Variants in GFRA2 observed in about 807,000 individuals in gnomAD.
GFRA2 encodes GDNF family receptor alpha-2.
In GFRA2, 17 loss-of-function variants were observed where a neutral mutation model predicts 48.3. The ratio of observed to expected loss-of-function variants is 0.35; its 90% CI spans 0.24 to 0.53. The LOEUF (loss-of-function observed/expected upper bound fraction) is 0.53. Among genes scored for constraint, GFRA2 ranks in the 20% least tolerant of loss-of-function variants. The probability of loss-of-function intolerance (pLI) is 0.93; values close to 1 mark genes in which losing one functional copy is unlikely to be tolerated. For missense variants in GFRA2, 660 were observed against 637.3 expected, an observed-to-expected ratio of 1.04 and a Z score of -0.38; for synonymous variants, 305 against 257.2, an observed-to-expected ratio of 1.19 and a Z score of -1.78.
chr8:21,788,641 A>T lies in GFRA2; in HGVS notation c.-482T>A, dbSNP rs1245135302. On this transcript the variant is annotated 5_prime_UTR_variant, in exon 1 of 9. Coordinates refer to ENST00000524240, the MANE Select transcript of GFRA2 (RefSeq NM_001495.5). Reference sequence around the variant, plus strand: ...GAAAAGAAATCCACAGACGGGTGTCAGCGCCCAAGAACAATCCAGTCGGAG... The same window carrying T: ...GAAAAGAAATCCACAGACGGGTGTCTGCGCCCAAGAACAATCCAGTCGGAG... 1 of 986,768 alleles carries T rather than the reference A, an allele frequency of 1.0e-6. No homozygotes were observed. The highest frequency in any genetic ancestry group is 1.7e-5 in the African/African-American group (1 of 57,328). 61.1% of individuals were successfully genotyped at this position (986,768 alleles called of 1,614,324 possible).
upstream of GFRA2, among the ~76,000 whole-genome samples, chr8:21,789,451 C>CG (rs1190070395): frequency 1.4e-4 from 22 of 152,128 alleles, no homozygotes; most frequent in Admixed American, 1.4e-3. Flanking sequence ...TCCGGGGGCT[C>CG]GGGGGGCAGG....
intron 4 of GFRA2, among the ~76,000 whole-genome samples, chr8:21,733,163 A>G (rs746028281): frequency 1.3e-5 from 2 of 152,192 alleles, no homozygotes; most frequent in Non-Finnish European, 2.9e-5. Context: ...AGGGGACTGT[A>G]TATCAGGAGA....
At chr8:21,733,315 A>T (rs1340167007) in intron 4 of GFRA2, among the ~76,000 whole-genome samples, 2 of 152,080 alleles carry the variant, frequency 1.3e-5, no homozygotes, top group African/African-American at 4.8e-5. Flanking sequence ...ATGAGCAGAC[A>T]CCTACCCCAC....
At chr8:21,809,020 A>T (rs552116195) in intron 1 of GFRA2, among the ~76,000 whole-genome samples, 8 of 152,342 alleles carry the variant, frequency 5.3e-5, no homozygotes, top group African/African-American at 1.7e-4. Context: ...TTAAAAATAC[A>T]CTATCTCATT....
At chr8:21,741,524 T>C (rs573940432) in intron 4 of GFRA2, among the ~76,000 whole-genome samples, 1 of 152,270 alleles carries the variant, frequency 6.6e-6, no homozygotes, top group East Asian at 1.9e-4. Flanking sequence ...TCCATCAGAC[T>C]GTCAGCTCCA....
chr8:21,773,345 C>T (rs1368769269), intron 3 of GFRA2, among the ~76,000 whole-genome samples: 3 of 152,138 alleles, frequency 2.0e-5, no homozygotes, highest in Non-Finnish European at 2.9e-5. Context: ...TTGAGGTCTC[C>T]GCTCCATTCA....
chr8:21,704,349 C>T (rs1000873482), intron 6 of GFRA2, among the ~76,000 whole-genome samples: 8 of 152,342 alleles, frequency 5.3e-5, no homozygotes, highest in Admixed American at 5.2e-4. Flanking sequence ...AGCTCACTTG[C>T]ACTGTGATCA....
At chr8:21,755,133 T>C (rs1805506915) in intron 3 of GFRA2, among the ~76,000 whole-genome samples, 1 of 152,088 alleles carries the variant, frequency 6.6e-6, no homozygotes, top group African/African-American at 2.4e-5. Flanking sequence ...GATACTGTAA[T>C]GGAGGATGCA....
chr8:21,725,801 G>A (rs887335235), intron 4 of GFRA2, among the ~76,000 whole-genome samples: 2 of 152,164 alleles, frequency 1.3e-5, no homozygotes, highest in South Asian at 2.1e-4. Context: ...AAGGCCCGCC[G>A]GTCCTCTCAG....
At position 21,788,652 on chromosome 8, in the gene GFRA2, A is replaced by T. The variant is rs1807407978; in HGVS notation, c.-493T>A. On this transcript the variant is annotated 5_prime_UTR_variant, in exon 1 of 9. Coordinates refer to ENST00000524240, the MANE Select transcript of GFRA2 (RefSeq NM_001495.5). ...CACAGACGGGTGTCAGCGCCCAAGA[A>T]CAATCCAGTCGGAGCTTCGAGGACG... 2 of 986,682 alleles carry T rather than the reference A, an allele frequency of 2.0e-6. No homozygotes were observed. Among genetic ancestry groups the T allele is most frequent in the Non-Finnish European group, 2.4e-6 (2 of 830,844 alleles). 61.1% of individuals were successfully genotyped at this position (986,682 alleles called of 1,614,324 possible).
Position 21,771,896 on chromosome 8 carries a change from G to A in GFRA2, c.439+3076C>T, listed in dbSNP as rs1806454320. ...AGTTGGGTGGGGAGGGGCTTCCCAC[G>A]GGATTTCATGCAGTCCTATGGGGTG... is the stretch of plus-strand genomic sequence containing the variant. On this transcript the variant is annotated intron_variant, in intron 3 of 8. Transcript: ENST00000524240. 2.6e-5 allele frequency among the ~76,000 whole-genome samples: 4 copies of A among 152,206 alleles called. No individual in the cohort carries two copies. The South Asian group carries it at 6.2e-4, about 24-fold the overall frequency.
At chr8:21,736,580 C>T (rs965902788) in intron 4 of GFRA2, among the ~76,000 whole-genome samples, 6 of 151,974 alleles carry the variant, frequency 3.9e-5, no homozygotes, top group Admixed American at 2.0e-4. Flanking sequence ...ACAGCAGCCT[C>T]GAACTCCTGG....
intron 4 of GFRA2, among the ~76,000 whole-genome samples, chr8:21,708,291 T>C (rs1802850338): frequency 6.6e-6 from 1 of 152,124 alleles, no homozygotes; most frequent in African/African-American, 2.4e-5. Context: ...AAGCAATCCT[T>C]CACCCCTGCA....
At chr8:21,767,527 A>G (rs1806233660) in intron 3 of GFRA2, among the ~76,000 whole-genome samples, 1 of 152,196 alleles carries the variant, frequency 6.6e-6, no homozygotes, top group South Asian at 2.1e-4. Flanking sequence ...AGCCGGAGTG[A>G]TTGCAGTTGA....
At chr8:21,798,830 T>C (rs1807721624) in intron 2 of GFRA2, among the ~76,000 whole-genome samples, 1 of 152,196 alleles carries the variant, frequency 6.6e-6, no homozygotes, top group Admixed American at 6.5e-5. Flanking sequence ...CTTTCCCTTT[T>C]CACAGGTGAG....
At chr8:21,712,725 C>T (rs1032277809) in intron 4 of GFRA2, among the ~76,000 whole-genome samples, 6 of 152,346 alleles carry the variant, frequency 3.9e-5, no homozygotes, top group Admixed American at 2.0e-4. Flanking sequence ...CCATTGAGCA[C>T]TGAGTGAACG....
chr8:21,752,829 C>T (rs1446494774), intron 3 of GFRA2, among the ~76,000 whole-genome samples: 4 of 152,134 alleles, frequency 2.6e-5, no homozygotes, highest in Admixed American at 6.5e-5. Flanking sequence ...AAACTCTCGG[C>T]GCTTCTTTGA....
chr8:21,765,710 G>A (rs900424751), intron 3 of GFRA2, among the ~76,000 whole-genome samples: 1 of 151,930 alleles, frequency 6.6e-6, no homozygotes, highest in African/African-American at 2.4e-5. Context: ...AGATCTAATT[G>A]GCAACTCCAC....
At chr8:21,731,235 C>T (rs1221331745) in intron 4 of GFRA2, among the ~76,000 whole-genome samples, 1 of 152,108 alleles carries the variant, frequency 6.6e-6, no homozygotes, top group African/African-American at 2.4e-5. Flanking sequence ...TGCCATAACC[C>T]CACCCACTGA....
Sources: gnomAD v4.1 joint callset for allele counts (sites outside exome capture counted in the v4.1 genomes callset) on GRCh38, gnomAD v4.1.1 for gene constraint, MANE v1.5 for transcripts, NCBI Gene and HGNC (gene_info 2026-07-23, HGNC 2026-07-21) for gene names.